The following STON2 variants were observed in gnomAD, a reference collection of about 807,000 sequenced individuals.
STON2 encodes the protein stonin 2.
Under a neutral mutation model 65.7 loss-of-function variants are expected in STON2, and 29 were observed. The observed-to-expected ratio is 0.44, with a 90% confidence interval of 0.33 to 0.60. STON2 has a LOEUF of 0.60. Among genes scored for constraint, STON2 ranks in the 20% least tolerant of loss-of-function variants. The pLI, the probability that STON2 is intolerant of heterozygous loss-of-function variation, is 0.03. For missense variants in STON2, 1,054 were observed against 1,118.1 expected (o/e 0.94, Z 0.82); for synonymous variants, 404 against 414.2 (o/e 0.98, Z 0.30).
chr14:81,368,853 G>A (rs536266562), intron 4 of STON2, among the ~76,000 whole-genome samples: 64 of 152,286 alleles, frequency 4.2e-4, no homozygotes, highest in Non-Finnish European at 6.5e-4. Flanking sequence ...AGTCTCTGGT[G>A]TAAACTCTGG....
chr14:81,364,775 C>T (rs1456092858), intron 4 of STON2, among the ~76,000 whole-genome samples: 2 of 152,098 alleles, frequency 1.3e-5, no homozygotes, highest in Admixed American at 1.3e-4. Flanking sequence ...ATCTTTTTGG[C>T]CTCTTGCATG....
chr14:81,365,704 C>A (rs751982444), intron 4 of STON2, among the ~76,000 whole-genome samples: 1 of 151,924 alleles, frequency 6.6e-6, no homozygotes, highest in East Asian at 1.9e-4. Context: ...TGCAGTGAGC[C>A]GAGACCATGC....
chr14:81,388,484 T>G (rs1195556231), intron 3 of STON2, among the ~76,000 whole-genome samples: 2 of 152,056 alleles, frequency 1.3e-5, no homozygotes, highest in Non-Finnish European at 2.9e-5. Flanking sequence ...GTCACTAGGG[T>G]GGGGACTAAC....
chr14:81,360,017 G>A (rs1284087874), intron 4 of STON2, among the ~76,000 whole-genome samples: 4 of 152,178 alleles, frequency 2.6e-5, no homozygotes, highest in South Asian at 2.1e-4. Flanking sequence ...CTCATTCCTG[G>A]GAGGTTGAGG....
intron 2 of STON2, among the ~76,000 whole-genome samples, chr14:81,410,884 C>A (rs888922698): frequency 6.6e-6 from 1 of 152,200 alleles, no homozygotes; most frequent in African/African-American, 2.4e-5. Context: ...GGATAAGGGA[C>A]TGAACTTCAA....
chr14:81,279,613 C>T (rs868304141), intron 5 of STON2, among the ~76,000 whole-genome samples: 1 of 151,948 alleles, frequency 6.6e-6, no homozygotes, highest in Non-Finnish European at 1.5e-5. Context: ...ATCACTTGAA[C>T]CCAGGAGGCA....
intron 4 of STON2, among the ~76,000 whole-genome samples, chr14:81,345,050 T>C (rs1897759473): frequency 6.6e-6 from 1 of 152,192 alleles, no homozygotes; most frequent in South Asian, 2.1e-4. Context: ...GGAAGTAAGC[T>C]ATAAATGTTG....
chr14:81,316,228 T>A (rs1290330498), intron 5 of STON2, among the ~76,000 whole-genome samples: 1 of 152,146 alleles, frequency 6.6e-6, no homozygotes, highest in Non-Finnish European at 1.5e-5. Flanking sequence ...TCAGAAAACA[T>A]GTAAAAGCAG....
chr14:81,281,928 C>A (rs1284451082), intron 5 of STON2, among the ~76,000 whole-genome samples: 1 of 151,756 alleles, frequency 6.6e-6, no homozygotes, highest in African/African-American at 2.4e-5. Flanking sequence ...TTCCCTTTGG[C>A]AGTTTCATGT....
chr14:81,302,798 C>T lies in STON2; in HGVS notation c.742+21219G>A, dbSNP rs1896016680. Among the ~76,000 whole-genome samples, 3 of 152,326 alleles carry T rather than the reference C, an allele frequency of 2.0e-5. No homozygotes were observed. In the South Asian group the frequency reaches 6.2e-4, roughly 32 times the overall value. ...TATAAGATCTGTAAGCCTCAGGTCCCTCACCTATCAAATGGGATAACGATG... is the reference window on the plus strand; with the variant it reads ...TATAAGATCTGTAAGCCTCAGGTCCTTCACCTATCAAATGGGATAACGATG... On this transcript the variant is annotated intron_variant, in intron 5 of 7. Coordinates refer to ENST00000614646, the MANE Select transcript of STON2 (RefSeq NM_001394390.1).
intron 4 of STON2, among the ~76,000 whole-genome samples, chr14:81,357,510 G>C (rs558745974): frequency 0.017 from 2,512 of 150,668 alleles, 37 homozygotes; most frequent in Non-Finnish European, 0.026. Context: ...CAGGGATCTA[G>C]AACTAGAAAT....
At chr14:81,372,517 T>G (rs1453767358) in intron 3 of STON2, among the ~76,000 whole-genome samples, 1 of 140,632 alleles carries the variant, frequency 7.1e-6, no homozygotes, top group Admixed American at 7.5e-5. Flanking sequence ...GCCATTGCAC[T>G]CCAGCCTAGA....
At chr14:81,286,385 C>T (rs185583670) in intron 5 of STON2, among the ~76,000 whole-genome samples, 54 of 152,234 alleles carry the variant, frequency 3.5e-4, no homozygotes, top group African/African-American at 1.2e-3. Context: ...GAAATCGTCA[C>T]GGCCATTCCA....
At chr14:81,315,493 C>T (rs1896583633) in intron 5 of STON2, among the ~76,000 whole-genome samples, 1 of 141,514 alleles carries the variant, frequency 7.1e-6, no homozygotes. Flanking sequence ...CGCCTGCACG[C>T]AGGCATTTCC....
At chr14:81,388,300 C>G (rs1325749074) in intron 3 of STON2, among the ~76,000 whole-genome samples, 1 of 151,884 alleles carries the variant, frequency 6.6e-6, no homozygotes, top group Admixed American at 6.6e-5. Flanking sequence ...TTTTCCCTGG[C>G]CAACCGTGAT....
chr14:81,332,011 T>C (rs750215945), intron 4 of STON2, among the ~76,000 whole-genome samples: 1 of 152,154 alleles, frequency 6.6e-6, no homozygotes, highest in Non-Finnish European at 1.5e-5. Flanking sequence ...ATAAAATGGG[T>C]CATAAACATA....
intron 5 of STON2, among the ~76,000 whole-genome samples, chr14:81,282,995 C>G (rs752911611): frequency 1.3e-5 from 2 of 152,190 alleles, no homozygotes; most frequent in African/African-American, 4.8e-5. Flanking sequence ...AACCCAAACT[C>G]CAGCATTATT....
At chr14:81,360,762 T>C (rs1218324813) in intron 4 of STON2, among the ~76,000 whole-genome samples, 1 of 152,256 alleles carries the variant, frequency 6.6e-6, no homozygotes, top group South Asian at 2.1e-4. Context: ...TAATCTTCCA[T>C]ATAGAAAACA....
chr14:81,330,190 A>G (rs1030469226), intron 4 of STON2, among the ~76,000 whole-genome samples: 2 of 151,784 alleles, frequency 1.3e-5, no homozygotes, highest in Non-Finnish European at 2.9e-5. Flanking sequence ...GCATACCATC[A>G]CCCCCTCTCG....
Sources: allele counts gnomAD v4.1 joint callset (sites outside exome capture counted in the v4.1 genomes callset), GRCh38; gene constraint gnomAD v4.1.1; transcripts MANE v1.5; gene names NCBI Gene and HGNC (gene_info 2026-07-23, HGNC 2026-07-21).